The following IPPK variants were observed in gnomAD, a reference collection of about 807,000 sequenced individuals.
IPPK encodes IPK1 homolog.
Under a neutral mutation model 64.6 loss-of-function variants are expected in IPPK, and 22 were observed. The ratio of observed to expected loss-of-function variants is 0.34; its 90% CI spans 0.24 to 0.49. The LOEUF (loss-of-function observed/expected upper bound fraction) is 0.49. Ranked by LOEUF, IPPK falls within the 20% of genes least tolerant of loss-of-function variation. IPPK has a pLI of 0.99. For missense variants in IPPK, 532 were observed against 630.7 expected, an observed-to-expected ratio of 0.84 and a Z score of 1.68; for synonymous variants, 262 against 247.2, an observed-to-expected ratio of 1.06 and a Z score of -0.56.
chr9:92,651,532 T>A (rs189783649), intron 4 of IPPK, among the ~76,000 whole-genome samples: 5 of 152,190 alleles, frequency 3.3e-5, no homozygotes, highest in African/African-American at 1.2e-4. Flanking sequence ...TAGACTCCGG[T>A]TGGGGACAGC....
chr9:92,659,571 C>T (rs965763358), intron 1 of IPPK, among the ~76,000 whole-genome samples: 2 of 152,054 alleles, frequency 1.3e-5, no homozygotes, highest in African/African-American at 2.4e-5. Context: ...GAGGAGAATG[C>T]GCCTGGGAGG....
chr9:92,622,224 A>T (rs959417306), intron 11 of IPPK, among the ~76,000 whole-genome samples: 2 of 152,208 alleles, frequency 1.3e-5, no homozygotes, highest in South Asian at 2.1e-4. Context: ...AACCTACATT[A>T]AACAATTTAC....
At chr9:92,626,124 G>A (rs1260559023) in intron 11 of IPPK, among the ~76,000 whole-genome samples, 3 of 152,202 alleles carry the variant, frequency 2.0e-5, no homozygotes, top group Admixed American at 6.5e-5. Context: ...GGGGCCAGGT[G>A]TGGTAGCTCA....
intron 11 of IPPK, among the ~76,000 whole-genome samples, chr9:92,631,350 C>A (rs544107441): frequency 9.2e-5 from 14 of 152,266 alleles, no homozygotes; most frequent in African/African-American, 3.1e-4. Flanking sequence ...CATGCACCAC[C>A]ATGCCTGGCT....
At chr9:92,625,802 C>T (rs565377368) in intron 11 of IPPK, among the ~76,000 whole-genome samples, 3 of 152,280 alleles carry the variant, frequency 2.0e-5, no homozygotes, top group African/African-American at 7.2e-5. Flanking sequence ...TCCCTATCCT[C>T]TCTGGAAGAA....
intron 5 of IPPK, 61 bp from the exon 6 acceptor site, chr9:92,648,209 G>C (rs996325521): frequency 8.4e-6 from 10 of 1,186,928 alleles, no homozygotes; most frequent in Admixed American, 1.9e-5. Context: ...CCTCTAAATA[G>C]ACATATCACT....
rs762805349 is a variant in IPPK, at chr9:92,637,988, G to A, written c.916+13C>T. 2 of 1,540,366 alleles carry A rather than the reference G, an allele frequency of 1.3e-6. No homozygotes were observed. Among genetic ancestry groups the A allele is most frequent in the Non-Finnish European group, 1.8e-6 (2 of 1,142,358 alleles). ...CGGCCCCCACCGCCTACCTGGGGAA[G>A]GCTGGGCCCTACCTTGGCAGCGAAG... On this transcript the variant is annotated intron_variant, in intron 9 of 12. Coordinates refer to ENST00000287996, the MANE Select transcript of IPPK (RefSeq NM_022755.6).
chr9:92,638,039 CAG>C lies in IPPK; in HGVS notation c.876_877del (p.Cys293ArgfsTer7). ...GCTCCTACTGAAAGGGCTGGCTTCG[CAG>C]ACTCGCGGGCCCTGAGGCCCGAGCC... On this transcript the variant is annotated frameshift_variant, in exon 9 of 13. Coordinates refer to ENST00000287996, the MANE Select transcript of IPPK (RefSeq NM_022755.6). LOFTEE classifies it high-confidence loss of function. The C allele has an allele frequency of 6.3e-7, 1 of 1,598,398 alleles. No homozygotes were observed. The highest frequency in any genetic ancestry group is 8.5e-7 in the Non-Finnish European group (1 of 1,172,590).
chr9:92,616,098 C>A, intron 12 of IPPK, 41 bp from the exon 13 acceptor site: 1 of 1,388,368 alleles, frequency 7.2e-7, no homozygotes, highest in South Asian at 1.2e-5. Flanking sequence ...ACAAGCCCCC[C>A]ATTCATTTCC....
At chr9:92,653,865 A>G (rs916973826) in intron 3 of IPPK, among the ~76,000 whole-genome samples, 1 of 152,224 alleles carries the variant, frequency 6.6e-6, no homozygotes, top group African/African-American at 2.4e-5. Context: ...CAACAAAAAA[A>G]GAAAATTCGT....
intron 10 of IPPK, 38 bp from the exon 11 acceptor site, chr9:92,634,526 C>G (rs1455583831): frequency 1.4e-6 from 2 of 1,449,556 alleles, no homozygotes; most frequent in Admixed American, 3.3e-5. Context: ...GATGACAAAG[C>G]CGCACGGAGG....
chr9:92,628,865 G>A (rs1235566857), intron 11 of IPPK, among the ~76,000 whole-genome samples: 1 of 151,922 alleles, frequency 6.6e-6, no homozygotes, highest in Non-Finnish European at 1.5e-5. Flanking sequence ...GGGTGACAGA[G>A]TGAGACTCTG....
At chr9:92,665,346 A>T (rs1852573021) in intron 1 of IPPK, among the ~76,000 whole-genome samples, 2 of 152,236 alleles carry the variant, frequency 1.3e-5, no homozygotes. Context: ...CCACAGTAGG[A>T]AGTATGGCCC....
chr9:92,615,217 G>C lies in IPPK; in HGVS notation c.*615C>G. Reference sequence around the variant, plus strand: ...TCCTGACCTGAGCCTTGCGCTCCCTGCTGCCCTGTGTGGAACTGTGGGCTT... The same window carrying C: ...TCCTGACCTGAGCCTTGCGCTCCCTCCTGCCCTGTGTGGAACTGTGGGCTT... On this transcript the variant is annotated 3_prime_UTR_variant, in exon 13 of 13. Coordinates refer to ENST00000287996, the MANE Select transcript of IPPK (RefSeq NM_022755.6). The C allele has an allele frequency of 6.5e-6, 1 of 152,992 alleles. No individual in the cohort carries two copies. Among genetic ancestry groups the C allele is most frequent in the Middle Eastern group, 3.2e-3 (1 of 316 alleles). 9.5% of individuals were successfully genotyped at this position (152,992 alleles called of 1,614,324 possible).
At chr9:92,667,656 C>A (rs531888071) in intron 1 of IPPK, among the ~76,000 whole-genome samples, 28 of 152,330 alleles carry the variant, frequency 1.8e-4, no homozygotes, top group South Asian at 6.2e-4. Flanking sequence ...CAGTGGCTCA[C>A]ACCTGTAATC....
intron 4 of IPPK, 88 bp from the exon 5 acceptor site, chr9:92,649,662 G>C: frequency 1.4e-6 from 2 of 1,473,876 alleles, no homozygotes; most frequent in Non-Finnish European, 9.3e-7. Flanking sequence ...CCTTGTCCCT[G>C]GTTCCAGGGG....
intron 8 of IPPK, among the ~76,000 whole-genome samples, chr9:92,640,424 C>T (rs571181306): frequency 1.3e-5 from 2 of 152,204 alleles, no homozygotes; most frequent in South Asian, 2.1e-4. Flanking sequence ...GACCAAGGCC[C>T]ACCCAGCAAC....
chr9:92,614,653 T>C lies in IPPK; in HGVS notation c.*1179A>G, dbSNP rs1851375335. On this transcript the variant is annotated 3_prime_UTR_variant, in exon 13 of 13. Transcript: ENST00000287996. The stretch of plus-strand genomic sequence containing the variant: ...TAGTTTCCTTATTTCTCATGTATCA[T>C]TTTCATATAATTCCATGGTTTCACT... 1 of 152,658 alleles carries C rather than the reference T, an allele frequency of 6.6e-6. No individual in the cohort carries two copies. The highest frequency in any genetic ancestry group is 1.5e-5 in the Non-Finnish European group (1 of 68,046). 9.5% of individuals were successfully genotyped at this position (152,658 alleles called of 1,614,324 possible). A position where few individuals can be genotyped will look rare whatever the true frequency, so the allele number is the denominator to read the frequency against.
intron 12 of IPPK, chr9:92,618,334 C>G: frequency 2.2e-6 from 1 of 456,778 alleles, no homozygotes; most frequent in Non-Finnish European, 4.4e-6. Flanking sequence ...TGCTGAGCAG[C>G]TGGTCGTAAG....
Sources: gnomAD v4.1 joint callset for allele counts (sites outside exome capture counted in the v4.1 genomes callset) on GRCh38, gnomAD v4.1.1 for gene constraint, MANE v1.5 for transcripts, NCBI Gene and HGNC (gene_info 2026-07-23, HGNC 2026-07-21) for gene names.